Variants in DACH2 observed in about 807,000 individuals in gnomAD.
DACH2 encodes dachshund homolog 2.
In DACH2, 17 loss-of-function variants were observed where a neutral mutation model predicts 35.8. The ratio of observed to expected loss-of-function variants is 0.48; its 90% CI spans 0.33 to 0.71. DACH2 has a LOEUF of 0.71. Among genes scored for constraint, DACH2 ranks in the 30% least tolerant of loss-of-function variants. DACH2 has a pLI of 0.02. For missense variants in DACH2, 469 were observed against 472.7 expected (o/e 0.99, Z 0.07); for synonymous variants, 195 against 177.3 (o/e 1.10, Z -0.79).
At chrX:86,508,606 T>C (rs1401041376) in intron 2 of DACH2, among the ~76,000 whole-genome samples, 3 of 110,616 alleles carry the variant, frequency 2.7e-5, no homozygotes, top group Non-Finnish European at 3.8e-5. Context: ...TCTACTGATG[T>C]TAACAGGAAT....
At chrX:86,810,534 A>T (rs1022783630) in intron 7 of DACH2, among the ~76,000 whole-genome samples, 25 of 111,817 alleles carry the variant, frequency 2.2e-4, no homozygotes, top group Non-Finnish European at 7.5e-5. Flanking sequence ...AAAGTACAGA[A>T]CCTTTCCAGC....
At chrX:86,608,410 T>C (rs1253937236) in intron 3 of DACH2, among the ~76,000 whole-genome samples, 1 of 111,889 alleles carries the variant, frequency 8.9e-6, no homozygotes, top group African/African-American at 3.3e-5. Flanking sequence ...AGCCATCCCA[T>C]TACTAGGTAT....
intron 4 of DACH2, among the ~76,000 whole-genome samples, chrX:86,678,551 ATAAT>A (rs1181961832): frequency 8.9e-6 from 1 of 112,316 alleles, no homozygotes; most frequent in East Asian, 2.8e-4. Context: ...AGAAATGTAA[ATAAT>A]TTATTTTCAT....
At chrX:86,206,435 C>T (rs2147909008) in intron 1 of DACH2, among the ~76,000 whole-genome samples, 1 of 111,939 alleles carries the variant, frequency 8.9e-6, no homozygotes, top group African/African-American at 3.2e-5. Context: ...CCTTGCATTG[C>T]CTGTCTAAAT....
chrX:86,238,948 G>A (rs1260255706), intron 1 of DACH2, among the ~76,000 whole-genome samples: 1 of 110,949 alleles, frequency 9.0e-6, no homozygotes, highest in Non-Finnish European at 1.9e-5. Flanking sequence ...GATGGCATTA[G>A]TGTGTTGTAT....
At chrX:86,220,020 G>C (rs1279106344) in intron 1 of DACH2, among the ~76,000 whole-genome samples, 4 of 48,779 alleles carry the variant, frequency 8.2e-5, no homozygotes, top group African/African-American at 3.7e-4. Flanking sequence ...AAAAAAAAAG[G>C]CCGGGCGTGG....
intron 2 of DACH2, among the ~76,000 whole-genome samples, chrX:86,400,200 C>T (rs181111641): frequency 7.1e-5 from 8 of 111,932 alleles, no homozygotes; most frequent in Non-Finnish European, 1.3e-4. Context: ...GCATTCATCA[C>T]GTAATTCTCA....
intron 7 of DACH2, among the ~76,000 whole-genome samples, chrX:86,764,591 C>T (rs1051249447): frequency 4.5e-5 from 5 of 111,449 alleles, no homozygotes; most frequent in African/African-American, 6.5e-5. Context: ...TAGTATCCCA[C>T]GGTGTGTGTG....
chrX:86,249,189 A>C (rs1015784225), intron 1 of DACH2, among the ~76,000 whole-genome samples: 1 of 111,465 alleles, frequency 9.0e-6, no homozygotes, highest in Non-Finnish European at 1.9e-5. Context: ...TTCAACAAAC[A>C]AAAACTGATA....
intron 1 of DACH2, among the ~76,000 whole-genome samples, chrX:86,366,097 C>T (rs978931410): frequency 4.5e-5 from 5 of 111,026 alleles, no homozygotes; most frequent in Non-Finnish European, 9.5e-5. Context: ...TAATTAGGTG[C>T]TTTTGTGTAC....
At chrX:86,722,266 A>T (rs958542388) in intron 6 of DACH2, among the ~76,000 whole-genome samples, 3 of 111,874 alleles carry the variant, frequency 2.7e-5, no homozygotes, top group Non-Finnish European at 1.9e-5. Context: ...GATTTTTTTT[A>T]AACGCATTTT....
Position 86,188,364 on chromosome X carries a change from G to A in DACH2, c.488+39256G>A, listed in dbSNP as rs184161931. ...CCTTTGGTCTAGTTACAGGCAAGGA[G>A]GTGTTCTCTGTTGAGGCTTTGGATA... On this transcript the variant is annotated intron_variant, in intron 1 of 11. Coordinates refer to ENST00000373125, the MANE Select transcript of DACH2 (RefSeq NM_053281.3). 3.8e-4 allele frequency among the ~76,000 whole-genome samples: 42 copies of A among 111,656 alleles called. 1 individual carries two copies. The East Asian group carries it at 0.012, about 31-fold the overall frequency.
rs781405322 is a variant in DACH2, at chrX:86,489,634, CAAT to C, written c.528-24644_528-24642del. ...TATGATTGTACACCATAAATATATA[CAAT>C]GTTTTACTTGTCAATTAAATAAAAA... is the stretch of plus-strand genomic sequence containing the variant. On this transcript the variant is annotated intron_variant, in intron 2 of 11. Coordinates refer to ENST00000373125, the MANE Select transcript of DACH2 (RefSeq NM_053281.3). 2.0e-4 allele frequency among the ~76,000 whole-genome samples: 22 copies of C among 111,319 alleles called. No individual in the cohort carries two copies. The South Asian group carries it at 8.1e-3, about 41-fold the overall frequency.
intron 2 of DACH2, among the ~76,000 whole-genome samples, chrX:86,462,736 T>G (rs895565412): frequency 4.5e-5 from 5 of 111,579 alleles, no homozygotes; most frequent in Non-Finnish European, 9.4e-5. Flanking sequence ...GGAAAACAAC[T>G]ATTTTAGATC....
intron 2 of DACH2, among the ~76,000 whole-genome samples, chrX:86,491,152 A>G: frequency 8.9e-6 from 1 of 112,191 alleles, no homozygotes; most frequent in Middle Eastern, 4.6e-3. Context: ...TTCTACATGA[A>G]AATAAAACTA....
intron 1 of DACH2, among the ~76,000 whole-genome samples, chrX:86,169,133 A>G (rs2031042256): frequency 9.0e-6 from 1 of 111,013 alleles, no homozygotes; most frequent in South Asian, 3.7e-4. Context: ...AAAGTCTTTA[A>G]TTCTCCTTTG....
At chrX:86,355,827 T>A (rs1043447440) in intron 1 of DACH2, among the ~76,000 whole-genome samples, 1 of 108,386 alleles carries the variant, frequency 9.2e-6, no homozygotes, top group Non-Finnish European at 1.9e-5. Flanking sequence ...CATGTAAAGG[T>A]CTTCTTTGGA....
At chrX:86,358,363 A>G (rs2035676687) in intron 1 of DACH2, among the ~76,000 whole-genome samples, 2 of 108,815 alleles carry the variant, frequency 1.8e-5, no homozygotes, top group African/African-American at 6.7e-5. Context: ...ATTTAGTTTT[A>G]AGTACGATTC....
intron 2 of DACH2, among the ~76,000 whole-genome samples, chrX:86,401,717 CAAAAAAAAAAAGAA>C (rs1182929837): frequency 1.9e-5 from 1 of 52,552 alleles, no homozygotes; most frequent in Non-Finnish European, 4.0e-5. Context: ...GAGACAGTGA[CAAAAAAAAAAAGAA>C]AAAAAAAAAA....
Sources: gnomAD v4.1 joint callset for allele counts (sites outside exome capture counted in the v4.1 genomes callset) on GRCh38, gnomAD v4.1.1 for gene constraint, MANE v1.5 for transcripts, NCBI Gene and HGNC (gene_info 2026-07-23, HGNC 2026-07-21) for gene names.